The following ACRBP variants were observed in gnomAD, a reference collection of about 807,000 sequenced individuals.
ACRBP encodes acrosin-binding protein.
A neutral mutation model predicts 69.0 loss-of-function variants in ACRBP; 52 were observed. That is an observed-to-expected ratio of 0.75 (90% CI 0.60 to 0.95). The LOEUF is 0.95. ACRBP is among the 40% of genes least tolerant of loss of function. The pLI, the probability that ACRBP is intolerant of heterozygous loss-of-function variation, is 0.00. For missense variants in ACRBP, 604 were observed against 673.0 expected (o/e 0.90, Z 1.13); for synonymous variants, 267 against 258.9 (o/e 1.03, Z -0.30).
In ACRBP at chr12:6,644,473, T is replaced by G; in HGVS notation, c.608A>C (p.His203Pro). ...GTGTTCTTGTGTCGGCTCCTGCCTG[T>G]GCTCCACTCCTTGCTCCTGCTTGTG... ...PEHKQEQGVE[H>P]RQEPTQEHKQ... The change falls in exon 5 of 10, where the codon CAC (histidine) becomes CCC (proline). Residue 203 changes from histidine to proline, a missense_variant. By Grantham distance (77) the His-to-Pro change is moderately conservative. Around this residue, in one of 3 missense-constraint regions of ACRBP, gnomAD observed 532 missense variants for 562.9 expected, o/e 0.95. Transcript: ENST00000229243. 3 of 1,614,090 alleles carry G rather than the reference T, an allele frequency of 1.9e-6. No individual in the cohort carries two copies. Among genetic ancestry groups the G allele is most frequent in the Non-Finnish European group, 2.5e-6 (3 of 1,180,020 alleles).
Position 6,644,133 on chromosome 12 carries a change from A to G in ACRBP, c.944+4T>C. ...GTGGATGACAGAGTCAAAACTTCCT[A>G]TACCTGCCAGGGTTTTGGTTTCTCC... On this transcript the variant is annotated splice_donor_region_variant and intron_variant, in intron 5 of 9. Transcript: ENST00000229243. 6 of 1,565,880 alleles carry G rather than the reference A, an allele frequency of 3.8e-6. No homozygotes were observed. The highest frequency in any genetic ancestry group is 1.8e-5 in the Admixed American group (1 of 54,058).
At chr12:6,639,682 G>A (rs1949036917) in intron 8 of ACRBP, among the ~76,000 whole-genome samples, 1 of 152,268 alleles carries the variant, frequency 6.6e-6, no homozygotes, top group Non-Finnish European at 1.5e-5. Context: ...GTCAGGCTAA[G>A]GCCGGGAAGT....
At chr12:6,642,957 A>G (rs1241618120) in intron 6 of ACRBP, among the ~76,000 whole-genome samples, 5 of 152,174 alleles carry the variant, frequency 3.3e-5, no homozygotes, top group African/African-American at 1.2e-4. Flanking sequence ...TCAAGAATCA[A>G]GAGTTGACTC....
rs1427203998 is a variant in ACRBP at position 6,645,211 on chromosome 12, G to A, written c.475+9C>T. On this transcript the variant is annotated intron_variant, in intron 4 of 9. Transcript: ENST00000229243. The stretch of plus-strand genomic sequence containing the variant: ...GCTGGTGGTCTCCCGGCTGCTGAGA[G>A]GGTCTCACCTGTGAAGTGGGGTGAG... 1 of 1,595,048 alleles carries A rather than the reference G, an allele frequency of 6.3e-7. No homozygotes were observed. Among genetic ancestry groups the A allele is most frequent in the East Asian group, 2.2e-5 (1 of 44,746 alleles).
chr12:6,640,571 C>G lies in ACRBP; in HGVS notation c.1078-49G>C. ...CTGAAGCTGAGAGTCAGCGGCCTGC[C>G]TTCTCCCATGCCTCAGCCCTCCAGG... On this transcript the variant is annotated intron_variant, in intron 6 of 9. Transcript: ENST00000229243. The surrounding 1 kb of genome is among the most constrained non-coding windows in gnomAD (Gnocchi z 5.3). 1 of 1,583,132 alleles carries G rather than the reference C, an allele frequency of 6.3e-7. No homozygotes were observed. Among genetic ancestry groups the G allele is most frequent in the South Asian group, 1.1e-5 (1 of 88,234 alleles).
Position 6,644,165 on chromosome 12 carries a change from A to C in ACRBP, c.916T>G (p.Ser306Ala). 6.2e-7 allele frequency: 1 copy of C among 1,600,506 alleles called. No homozygotes were observed. Among genetic ancestry groups the C allele is most frequent in the Non-Finnish European group, 8.5e-7 (1 of 1,171,034 alleles). ...CCAGGGTTTTGGTTTCTCCAGTAGG[A>C]GTTCTCATCATATATTTCATTCATT... is the stretch of plus-strand genomic sequence containing the variant. ...DEMNEIYDENSYWRNQNPGSL... is the reference protein window; with the variant it reads ...DEMNEIYDENAYWRNQNPGSL... Residue 306 changes from serine to alanine, a missense_variant, in exon 5 of 10, where the codon TCC (serine) becomes GCC (alanine). Ser to Ala is a moderately conservative substitution (Grantham distance 99). Coordinates refer to ENST00000229243, the MANE Select transcript of ACRBP (RefSeq NM_032489.3).
rs117302826 is a variant in ACRBP at position 6,647,046 on chromosome 12, G to T, written c.44-34C>A. ...CGGGCGAACGGATGATGGAAGGACC[G>T]AACCCCAAAACCCGCTCCGAGACCA... On this transcript the variant is annotated intron_variant, in intron 1 of 9. Coordinates refer to ENST00000229243, the MANE Select transcript of ACRBP (RefSeq NM_032489.3). 3.2e-6 allele frequency: 5 copies of T among 1,586,136 alleles called. No homozygotes were observed. In the African/African-American group the frequency reaches 5.4e-5, roughly 17 times the overall value.
At chr12:6,646,727 G>A (rs1949092589) in intron 2 of ACRBP, 67 bp downstream of exon 2, 9 of 1,585,368 alleles carry the variant, frequency 5.7e-6, no homozygotes, top group Non-Finnish European at 7.8e-6. Context: ...TGAGCACAGG[G>A]GTTTTTGCCC....
rs1949047732 is a variant in ACRBP, at chr12:6,640,910, C to G, written c.1078-388G>C. Among the ~76,000 whole-genome samples, 1 of 152,210 alleles carries G rather than the reference C, an allele frequency of 6.6e-6. No homozygotes were observed. The highest frequency in any genetic ancestry group is 1.5e-5 in the Non-Finnish European group (1 of 68,046). ...AGAACTCATAACCCTCCCCTGCCAC[C>G]TCTGCTAATGATAATGCTAATATTT... On this transcript the variant is annotated intron_variant, in intron 6 of 9. Coordinates refer to ENST00000229243, the MANE Select transcript of ACRBP (RefSeq NM_032489.3). This position sits in a 1 kb window ranked among gnomAD's most constrained non-coding sequence, Gnocchi z 5.3.
At position 6,646,587 on chromosome 12, in the gene ACRBP, G is replaced by T. The variant is rs1236997755; in HGVS notation, c.263-10C>A. 1.2e-6 allele frequency: 2 copies of T among 1,612,964 alleles called. No homozygotes were observed. The highest frequency in any genetic ancestry group is 1.1e-5 in the South Asian group (1 of 91,060). On this transcript the variant is annotated splice_polypyrimidine_tract_variant and intron_variant, in intron 2 of 9. Transcript: ENST00000229243. ...TTGGAGCAGACAGCACCTGAGAAAG[G>T]GCAGGGGTGGAGAAGATGAACCCGT...
In ACRBP at chr12:6,644,518, C is replaced by A. The variant is rs752696343; in HGVS notation, c.563G>T (p.Gly188Val). ...ELLQSSLSLGGQEQAPEHKQE... is the reference protein window; with the variant it reads ...ELLQSSLSLGVQEQAPEHKQE... ...CTTGTGCTCTGGCGCTTGCTCCTGG[C>A]CTCCCAGGGACAAGGAGGATTGTAG... The change falls in exon 5 of 10, where the codon GGC (glycine) becomes GTC (valine). Residue 188 changes from glycine (G) to valine (V), a missense_variant. This residue lies in a region of ACRBP where 532 missense variants were observed against 562.9 expected (regional missense o/e 0.95). Coordinates refer to ENST00000229243, the MANE Select transcript of ACRBP (RefSeq NM_032489.3). 1.2e-5 allele frequency: 20 copies of A among 1,613,914 alleles called. No individual in the cohort carries two copies. In the East Asian group the frequency reaches 3.6e-4, roughly 29 times the overall value.
At chr12:6,642,895 G>A (rs1376380401) in intron 6 of ACRBP, among the ~76,000 whole-genome samples, 1 of 152,154 alleles carries the variant, frequency 6.6e-6, no homozygotes, top group African/African-American at 2.4e-5. Context: ...TGAACTCTCT[G>A]GAAAGAAGAA....
At chr12:6,646,772 T>C (rs749180717) in intron 2 of ACRBP, 22 bp downstream of exon 2, 26 of 1,612,728 alleles carry the variant, frequency 1.6e-5, no homozygotes, top group Non-Finnish European at 1.9e-5. Flanking sequence ...TGCCTCGGTT[T>C]CCCCCCTAGT....
In ACRBP at chr12:6,645,274, A is replaced by G; in HGVS notation, c.421T>C (p.Ser141Pro). ...ATCGTGGTGGGTGAGACTTCAGCTG[A>G]AGCTTCTATCTCCTTGAGAGTGTTA... is the stretch of plus-strand genomic sequence containing the variant. ...SPNTLKEIEA[S>P]AEVSPTTMTS... Residue 141 changes from serine to proline, a missense_variant, in exon 4 of 10, where the codon TCA becomes CCA. Transcript: ENST00000229243. The G allele has an allele frequency of 6.2e-7, 1 of 1,613,830 alleles. No individual in the cohort carries two copies. The highest frequency in any genetic ancestry group is 8.5e-7 in the Non-Finnish European group (1 of 1,179,912).
chr12:6,643,798 C>CTCTA, intron 5 of ACRBP, 127 bp from the exon 6 acceptor site: 1 of 1,318,990 alleles, frequency 7.6e-7, no homozygotes, highest in Non-Finnish European at 1.0e-6. Context: ...AGCATGGGGC[C>CTCTA]TTAGAGGCCT....
chr12:6,644,318 T>G lies in ACRBP; in HGVS notation c.763A>C (p.Lys255Gln). The part of the protein sequence containing the change: ...VSQLQTDSEP[K>Q]FHSESLSSNP... ...GAAGATAGAGATTCAGAGTGAAACT[T>G]GGGCTCTGAGTCTGTCTGCAGCTGA... Residue 255 changes from lysine to glutamine, a missense_variant, in exon 5 of 10, where the codon AAG becomes CAG. Transcript: ENST00000229243. 6.2e-7 allele frequency: 1 copy of G among 1,614,164 alleles called. No homozygotes were observed. Among genetic ancestry groups the G allele is most frequent in the African/African-American group, 1.3e-5 (1 of 75,040 alleles).
Position 6,640,326 on chromosome 12 carries a change from G to A in ACRBP, c.1257+17C>T, listed in dbSNP as rs1949043849. ...CCCAGTTCTGCCTTTCCCACTGCGG[G>A]CTGCCGGGCTAGATACCTGGTTGCC... On this transcript the variant is annotated intron_variant, in intron 7 of 9. Transcript: ENST00000229243. This position sits in a 1 kb window ranked among gnomAD's most constrained non-coding sequence, Gnocchi z 5.3. 6.2e-7 allele frequency: 1 copy of A among 1,614,004 alleles called. No homozygotes were observed. Among genetic ancestry groups the A allele is most frequent in the Non-Finnish European group, 8.5e-7 (1 of 1,179,950 alleles).
At chr12:6,642,585 T>A (rs1292685288) in intron 6 of ACRBP, among the ~76,000 whole-genome samples, 2 of 152,200 alleles carry the variant, frequency 1.3e-5, no homozygotes, top group Non-Finnish European at 2.9e-5. Flanking sequence ...CTCTGGGTAG[T>A]CTATTTGTCT....
chr12:6,638,619 CAG>C lies in ACRBP; in HGVS notation c.1510-217_1510-216del. 9.3e-6 allele frequency: 12 copies of C among 1,290,444 alleles called. No individual in the cohort carries two copies. In the South Asian group the frequency reaches 1.9e-4, roughly 20 times the overall value. The allele number at this position is 1,290,444 out of a possible 1,614,324, so 79.9% of individuals were successfully genotyped here. A position where few individuals can be genotyped will look rare whatever the true frequency, so the allele number is the denominator to read the frequency against. ...CATGCAGAAACAGGCGGCTGAGGCT[CAG>C]AGGGGGAAGTGCCTCATCCCAGGCT... On this transcript the variant is annotated intron_variant, in intron 9 of 9. Transcript: ENST00000229243.
Sources: allele counts gnomAD v4.1 joint callset (sites outside exome capture counted in the v4.1 genomes callset), GRCh38; gene constraint gnomAD v4.1.1; regional missense constraint gnomAD v4.1.1; non-coding constraint Gnocchi (gnomAD v3.1); transcripts MANE v1.5; gene names NCBI Gene and HGNC (gene_info 2026-07-23, HGNC 2026-07-21).